The following CDH18 variants were observed in gnomAD, a reference collection of about 807,000 sequenced individuals.
CDH18 encodes the protein cadherin 18.
A neutral mutation model predicts 67.9 loss-of-function variants in CDH18; 31 were observed. The observed-to-expected ratio is 0.46, with a 90% confidence interval of 0.34 to 0.62. The LOEUF is 0.62. Ranked by LOEUF, CDH18 falls within the 20% of genes least tolerant of loss-of-function variation. The pLI, the probability that CDH18 is intolerant of heterozygous loss-of-function variation, is 0.01. For synonymous variants in CDH18, 362 were observed against 347.2 expected, an observed-to-expected ratio of 1.04 and a Z score of -0.48; for missense variants, 890 against 975.5, an observed-to-expected ratio of 0.91 and a Z score of 1.17.
At chr5:19,559,935 A>AC (rs1739154384) in intron 8 of CDH18, among the ~76,000 whole-genome samples, 1 of 151,290 alleles carries the variant, frequency 6.6e-6, no homozygotes, top group African/African-American at 2.4e-5. Flanking sequence ...CAAAAAAAAA[A>AC]CTCAGGAATA....
intron 3 of CDH18, among the ~76,000 whole-genome samples, chr5:19,750,974 G>A (rs940379074): frequency 2.6e-5 from 4 of 151,978 alleles, no homozygotes; most frequent in African/African-American, 9.7e-5. Flanking sequence ...TAAATTAACT[G>A]CTCTTTAGAG....
At chr5:20,441,932 A>G (rs1484277442) in intron 1 of CDH18, among the ~76,000 whole-genome samples, 1 of 151,970 alleles carries the variant, frequency 6.6e-6, no homozygotes, top group Non-Finnish European at 1.5e-5. Context: ...TGTGCAATAA[A>G]TAAGGTTCCT....
At chr5:20,187,938 CA>C (rs1738230934) in intron 2 of CDH18, among the ~76,000 whole-genome samples, 2 of 151,670 alleles carry the variant, frequency 1.3e-5, no homozygotes, top group South Asian at 4.2e-4. Context: ...AATTAGAATA[CA>C]GAATTTCTAT....
At chr5:19,612,243 A>T (rs1043650631) in intron 6 of CDH18, among the ~76,000 whole-genome samples, 191 bp downstream of exon 6, 1 of 152,148 alleles carries the variant, frequency 6.6e-6, no homozygotes, top group Non-Finnish European at 1.5e-5. Flanking sequence ...CACATTCCCA[A>T]TTATTTCCTA....
At chr5:20,130,078 A>ATTATTG (rs67443883) in intron 2 of CDH18, among the ~76,000 whole-genome samples, 42,116 of 141,720 alleles carry the variant, frequency 0.3, 7,322 homozygotes, top group Non-Finnish European at 0.37. Flanking sequence ...TATTATTGTT[A>ATTATTG]TTATTATTAT....
chr5:19,545,768 A>G (rs913262581), intron 8 of CDH18, among the ~76,000 whole-genome samples: 6 of 152,340 alleles, frequency 3.9e-5, no homozygotes, highest in Middle Eastern at 3.4e-3. Flanking sequence ...TTAAATGCCC[A>G]TTAGATACCC....
intron 1 of CDH18, among the ~76,000 whole-genome samples, chr5:20,485,315 A>G (rs1266142835): frequency 6.6e-6 from 1 of 152,154 alleles, no homozygotes; most frequent in Non-Finnish European, 1.5e-5. Context: ...TCCATTGAAG[A>G]TGACATGTGT....
intron 2 of CDH18, among the ~76,000 whole-genome samples, chr5:20,163,057 CTAAATAAA>C (rs3067898): frequency 2.2e-4 from 33 of 149,508 alleles, no homozygotes; most frequent in East Asian, 1.0e-3. Context: ...AAAACTGTCT[CTAAATAAA>C]TAAATAAATA....
At chr5:19,580,378 T>C (rs1413393013) in intron 7 of CDH18, among the ~76,000 whole-genome samples, 4 of 151,928 alleles carry the variant, frequency 2.6e-5, no homozygotes, top group Admixed American at 2.0e-4. Context: ...GGCTGACATC[T>C]TGTATTATAA....
chr5:19,523,350 A>G (rs1747230004), intron 9 of CDH18, among the ~76,000 whole-genome samples: 1 of 152,140 alleles, frequency 6.6e-6, no homozygotes, highest in African/African-American at 2.4e-5. Context: ...TTGCACTAAA[A>G]CATGATTTCT....
chr5:20,011,298 T>A (rs1263518580), intron 2 of CDH18, among the ~76,000 whole-genome samples: 1 of 152,210 alleles, frequency 6.6e-6, no homozygotes, highest in Non-Finnish European at 1.5e-5. Flanking sequence ...TTTTGCACAT[T>A]GATTTTATAT....
intron 2 of CDH18, among the ~76,000 whole-genome samples, chr5:20,241,957 C>T (rs2974601): frequency 0.7 from 104,400 of 148,744 alleles, 37,297 homozygotes; most frequent in African/African-American, 0.85. Flanking sequence ...GCAGCTAAAT[C>T]TGATTTCTGG....
chr5:20,242,657 TGG>T (rs1422151465), intron 2 of CDH18, among the ~76,000 whole-genome samples: 6 of 142,120 alleles, frequency 4.2e-5, no homozygotes, highest in African/African-American at 8.0e-5. Flanking sequence ...TATATGTAAA[TGG>T]ACTAGCTATC....
At chr5:20,489,307 T>C (rs979711533) in intron 1 of CDH18, among the ~76,000 whole-genome samples, 1 of 152,054 alleles carries the variant, frequency 6.6e-6, no homozygotes, top group Non-Finnish European at 1.5e-5. Flanking sequence ...TACCAGACAA[T>C]AATACTACAT....
chr5:20,021,749 C>T (rs1365323656), intron 2 of CDH18, among the ~76,000 whole-genome samples: 1 of 152,182 alleles, frequency 6.6e-6, no homozygotes, highest in East Asian at 1.9e-4. Context: ...AATTAAAACT[C>T]TTTTCTTTAT....
chr5:20,569,097 G>C (rs944215506), intron 1 of CDH18, among the ~76,000 whole-genome samples: 1 of 152,122 alleles, frequency 6.6e-6, no homozygotes, highest in African/African-American at 2.4e-5. Flanking sequence ...CTTTCAATGA[G>C]TAGGCAGGAA....
intron 1 of CDH18, among the ~76,000 whole-genome samples, chr5:20,431,230 C>T (rs1748707362): frequency 6.6e-6 from 1 of 151,994 alleles, no homozygotes; most frequent in Non-Finnish European, 1.5e-5. Context: ...GTAACTCACC[C>T]CTGTAATCCC....
chr5:19,820,985 G>A (rs529778942), intron 3 of CDH18, among the ~76,000 whole-genome samples: 5 of 152,130 alleles, frequency 3.3e-5, no homozygotes, highest in African/African-American at 1.2e-4. Flanking sequence ...AAAAAATAAT[G>A]AAACGTTACT....
chr5:19,918,585 T>C (rs1792082719), intron 2 of CDH18, among the ~76,000 whole-genome samples: 1 of 152,160 alleles, frequency 6.6e-6, no homozygotes, highest in Non-Finnish European at 1.5e-5. Flanking sequence ...ACATTCATAG[T>C]GGCACTATGT....
Sources: gnomAD v4.1 joint callset for allele counts (sites outside exome capture counted in the v4.1 genomes callset) on GRCh38, gnomAD v4.1.1 for gene constraint, MANE v1.5 for transcripts, NCBI Gene and HGNC (gene_info 2026-07-23, HGNC 2026-07-21) for gene names.